The following UBE2V2 variants were observed in gnomAD, a reference collection of about 807,000 sequenced individuals.
The protein encoded by UBE2V2 is ubiquitin-conjugating enzyme E2 variant 2.
UBE2V2 carries 9 observed loss-of-function variants against 17.2 expected under a neutral mutation model. The ratio of observed to expected loss-of-function variants is 0.52; its 90% CI spans 0.32 to 0.91. The LOEUF is 0.91. UBE2V2 is among the 40% of genes least tolerant of loss of function. UBE2V2 has a pLI of 0.04. For synonymous variants in UBE2V2, 61 were observed against 57.5 expected (o/e 1.06, Z -0.28); for missense variants, 133 against 182.6 (o/e 0.73, Z 1.56).
intron 1 of UBE2V2, among the ~76,000 whole-genome samples, chr8:48,027,587 C>G (rs941142719): frequency 5.3e-5 from 8 of 152,174 alleles, no homozygotes; most frequent in South Asian, 2.1e-4. Flanking sequence ...GCAGTCTCCA[C>G]CTCCTATACC....
At chr8:48,051,632 G>A (rs779947223) in intron 3 of UBE2V2, among the ~76,000 whole-genome samples, 13 of 152,096 alleles carry the variant, frequency 8.5e-5, no homozygotes, top group Non-Finnish European at 1.9e-4. Flanking sequence ...ATGCTTCCCA[G>A]TGCATTTACT....
chr8:48,010,477 C>T (rs1215145043), intron 1 of UBE2V2, among the ~76,000 whole-genome samples: 5 of 150,452 alleles, frequency 3.3e-5, no homozygotes, highest in African/African-American at 1.2e-4. Context: ...TCTCGGCTCA[C>T]TGCAACCTCC....
chr8:48,045,274 A>G (rs2091491458), intron 2 of UBE2V2, among the ~76,000 whole-genome samples: 1 of 152,206 alleles, frequency 6.6e-6, no homozygotes, highest in Non-Finnish European at 1.5e-5. Flanking sequence ...TTTACATGAC[A>G]TGGGAACATT....
intron 1 of UBE2V2, among the ~76,000 whole-genome samples, chr8:48,034,614 A>G (rs1022603852): frequency 7.2e-6 from 1 of 139,804 alleles, no homozygotes; most frequent in Non-Finnish European, 1.5e-5. Flanking sequence ...TAATTCATGT[A>G]GTTTAAAATG....
At chr8:48,024,779 C>T (rs2091328930) in intron 1 of UBE2V2, among the ~76,000 whole-genome samples, 1 of 151,978 alleles carries the variant, frequency 6.6e-6, no homozygotes. Context: ...ACTCCATGTT[C>T]TTTTAAGGTG....
At chr8:48,041,663 G>GAAAGCAAA (rs2091465116) in intron 1 of UBE2V2, 1 of 151,320 alleles carries the variant, frequency 6.6e-6, no homozygotes, top group Non-Finnish European at 1.5e-5. Flanking sequence ...GCATATACAC[G>GAAAGCAAA]AAAGCAAAAA....
chr8:48,018,700 T>A (rs897326262), intron 1 of UBE2V2, among the ~76,000 whole-genome samples: 1 of 152,238 alleles, frequency 6.6e-6, no homozygotes, highest in Non-Finnish European at 1.5e-5. Context: ...GTCTCATGTT[T>A]CCTTGTTGGC....
chr8:48,055,036 C>G (rs1206371659), intron 3 of UBE2V2, among the ~76,000 whole-genome samples: 1 of 151,382 alleles, frequency 6.6e-6, no homozygotes, highest in East Asian at 1.9e-4. Context: ...TTAGAAATAG[C>G]TTGGTATTCT....
chr8:48,014,389 A>C (rs923356094), intron 1 of UBE2V2, among the ~76,000 whole-genome samples: 38 of 152,264 alleles, frequency 2.5e-4, no homozygotes, highest in African/African-American at 8.9e-4. Context: ...TCACGCCTGT[A>C]ATCCCAGCAC....
intron 3 of UBE2V2, among the ~76,000 whole-genome samples, chr8:48,059,033 A>G (rs1802543369): frequency 6.6e-6 from 1 of 151,894 alleles, no homozygotes; most frequent in Non-Finnish European, 1.5e-5. Flanking sequence ...CAACCTCCTG[A>G]GTGGGTGGGA....
At chr8:48,001,250 A>G in the UBE2V2 span, among the ~76,000 whole-genome samples, 3 of 152,064 alleles carry the variant, frequency 2.0e-5, no homozygotes, top group African/African-American at 7.2e-5. Flanking sequence ...GTTCCTTCCC[A>G]TGGAAAATAC....
At chr8:47,999,625 G>T in the UBE2V2 span, among the ~76,000 whole-genome samples, 6 of 152,066 alleles carry the variant, frequency 3.9e-5, no homozygotes, top group Non-Finnish European at 8.8e-5. Context: ...CTCCCAAAGT[G>T]CTGTGATTAC....
rs1246812807 is a variant in UBE2V2 at position 48,035,019 on chromosome 8, C to T, written c.17-8014C>T. ...TTCAGAATTCTTACATGATGGTTGG[C>T]TTCCAAAAGAACGAAAGCAGAAGTT... On this transcript the variant is annotated intron_variant, in intron 1 of 3. Transcript: ENST00000523111. 8.1e-6 allele frequency: 8 copies of T among 984,830 alleles called. No homozygotes were observed. The South Asian group carries it at 1.9e-4, about 23-fold the overall frequency. 61.0% of individuals were successfully genotyped at this position (984,830 alleles called of 1,614,324 possible).
chr8:48,041,490 A>G (rs1456536413), intron 1 of UBE2V2, among the ~76,000 whole-genome samples: 1 of 152,110 alleles, frequency 6.6e-6, no homozygotes, highest in Non-Finnish European at 1.5e-5. Context: ...AGGAACATTA[A>G]ATGTCTTTCC....
chr8:48,057,530 C>T (rs951272510), intron 3 of UBE2V2, among the ~76,000 whole-genome samples: 5 of 151,838 alleles, frequency 3.3e-5, no homozygotes, highest in Admixed American at 3.3e-4. Context: ...CTCGAACTTC[C>T]GAACTTAGGT....
intron 1 of UBE2V2, among the ~76,000 whole-genome samples, chr8:48,030,455 TC>T (rs2091374862): frequency 6.6e-6 from 1 of 152,222 alleles, no homozygotes; most frequent in African/African-American, 2.4e-5. Context: ...GCGCAGTGGC[TC>T]ACGCTTCTAA....
intron 1 of UBE2V2, among the ~76,000 whole-genome samples, chr8:48,036,090 G>C (rs912853602): frequency 4.0e-5 from 6 of 151,332 alleles, no homozygotes; most frequent in Admixed American, 3.3e-4. Flanking sequence ...GAGCAGCTCA[G>C]ACTACAGCTG....
chr8:48,012,973 G>A lies in UBE2V2; in HGVS notation c.16+4503G>A, dbSNP rs532194697. ...TGATTCTCCTGCCTCAGCCTCCCGA[G>A]TAGCTGGGATTACAGGTGTGTGCTG... On this transcript the variant is annotated intron_variant, in intron 1 of 3. Coordinates refer to ENST00000523111, the MANE Select transcript of UBE2V2 (RefSeq NM_003350.3). 4.0e-5 allele frequency among the ~76,000 whole-genome samples: 6 copies of A among 151,718 alleles called. No individual in the cohort carries two copies. The South Asian group carries it at 1.0e-3, about 26-fold the overall frequency.
intron 1 of UBE2V2, among the ~76,000 whole-genome samples, chr8:48,021,859 T>C (rs2091307774): frequency 6.6e-6 from 1 of 151,446 alleles, no homozygotes; most frequent in Admixed American, 6.6e-5. Flanking sequence ...GGCTAATTTT[T>C]AGTAGAGACC....
Sources: allele counts gnomAD v4.1 joint callset (sites outside exome capture counted in the v4.1 genomes callset), GRCh38; gene constraint gnomAD v4.1.1; transcripts MANE v1.5; gene names NCBI Gene and HGNC (gene_info 2026-07-23, HGNC 2026-07-21).